ANO5: variants seen among roughly 807,000 people sequenced by gnomAD.
The protein encoded by ANO5 is anoctamin-5.
ANO5 carries 109 observed loss-of-function variants against 121.0 expected under a neutral mutation model. The observed-to-expected ratio is 0.90, with a 90% CI of 0.77 to 1.06. The LOEUF is 1.06. ANO5 is among the 50% of genes least tolerant of loss of function. ANO5 has a pLI of 0.00. For synonymous variants in ANO5, 406 were observed against 359.9 expected (o/e 1.13, Z -1.45); for missense variants, 1,064 against 1,078.5 (o/e 0.99, Z 0.19).
chr11:22,231,069 G>A (rs997667516), intron 7 of ANO5, among the ~76,000 whole-genome samples: 17 of 151,848 alleles, frequency 1.1e-4, no homozygotes, highest in African/African-American at 4.1e-4. Context: ...CACCTCTTAT[G>A]GCACAGATCA....
intron 2 of ANO5, among the ~76,000 whole-genome samples, chr11:22,205,375 G>A (rs1025919328): frequency 2.6e-5 from 4 of 151,940 alleles, no homozygotes; most frequent in Admixed American, 6.6e-5. Context: ...AAAGTTCAGC[G>A]ACCTAAATGC....
rs1476060941 is a variant in ANO5, at chr11:22,280,577, T to G, written c.*812T>G. 6.6e-6 allele frequency: 1 copy of G among 151,938 alleles called. No individual in the cohort carries two copies. Among genetic ancestry groups the G allele is most frequent in the East Asian group, 1.9e-4 (1 of 5,188 alleles). 9.4% of individuals were successfully genotyped at this position (151,938 alleles called of 1,614,324 possible). A position where few individuals can be genotyped will look rare whatever the true frequency, so the allele number is the denominator to read the frequency against. ...TTAGTAGTTAATGGATGCAGGACAA[T>G]GTATATTGATTAATTTGTTGATTTT... On this transcript the variant is annotated 3_prime_UTR_variant, in exon 22 of 22. Coordinates refer to ENST00000324559, the MANE Select transcript of ANO5 (RefSeq NM_213599.3).
intron 3 of ANO5, among the ~76,000 whole-genome samples, chr11:22,216,849 A>G (rs1217671463): frequency 1.3e-5 from 2 of 151,832 alleles, no homozygotes; most frequent in Non-Finnish European, 2.9e-5. Context: ...TGGAAGTCAT[A>G]ATGTGGCCCT....
At chr11:22,207,935 A>G (rs1004537564) in intron 2 of ANO5, among the ~76,000 whole-genome samples, 2 of 152,120 alleles carry the variant, frequency 1.3e-5, no homozygotes, top group Admixed American at 1.3e-4. Context: ...AAGATCTTCA[A>G]TATCACCAGC....
chr11:22,209,872 G>C (rs1217264398), intron 2 of ANO5, among the ~76,000 whole-genome samples: 1 of 145,528 alleles, frequency 6.9e-6, no homozygotes, highest in African/African-American at 2.5e-5. Context: ...GCTTCTGTAA[G>C]CAAAACAACT....
At chr11:22,233,943 G>C (rs1853130726) in intron 7 of ANO5, among the ~76,000 whole-genome samples, 1 of 152,050 alleles carries the variant, frequency 6.6e-6, no homozygotes, top group Non-Finnish European at 1.5e-5. Flanking sequence ...CCGCTTGGTA[G>C]CCATTGCTTT....
At chr11:22,255,248 A>G (rs753545879) in intron 12 of ANO5, 123 bp from the exon 13 acceptor site, 1 of 698,596 alleles carries the variant, frequency 1.4e-6, no homozygotes. Context: ...ATCAAACACA[A>G]CAGTGAAAGA....
intron 17 of ANO5, among the ~76,000 whole-genome samples, chr11:22,265,608 A>T (rs1005893636): frequency 7.9e-5 from 12 of 152,166 alleles, no homozygotes; most frequent in African/African-American, 2.9e-4. Context: ...TCCTGATTAA[A>T]GAAATTGTAA....
At chr11:22,195,454 G>T (rs946704523) in intron 1 of ANO5, among the ~76,000 whole-genome samples, 4 of 151,544 alleles carry the variant, frequency 2.6e-5, no homozygotes, top group African/African-American at 7.3e-5. Context: ...TTTGAGACAG[G>T]GTCTGGCTCT....
chr11:22,273,581 T>A (rs1854710713), intron 19 of ANO5, among the ~76,000 whole-genome samples: 1 of 152,110 alleles, frequency 6.6e-6, no homozygotes, highest in Admixed American at 6.6e-5. Context: ...TTGCCATACA[T>A]TTTTAATTAT....
At chr11:22,257,311 C>T (rs944551678) in intron 13 of ANO5, among the ~76,000 whole-genome samples, 2 of 152,074 alleles carry the variant, frequency 1.3e-5, no homozygotes, top group Non-Finnish European at 2.9e-5. Flanking sequence ...CAATGTAATT[C>T]AATTCAATTA....
rs1248812840 is a variant in ANO5, at chr11:22,276,109, A to C, written c.2430A>C (p.Arg810Ser). 6.2e-7 allele frequency: 1 copy of C among 1,608,368 alleles called. No homozygotes were observed. Among genetic ancestry groups the C allele is most frequent in the African/African-American group, 1.3e-5 (1 of 74,680 alleles). The change falls in exon 21 of 22, where the codon AGA becomes AGC. Residue 810 changes from arginine to serine, a missense_variant. Transcript: ENST00000324559. Reference sequence around the variant, plus strand: ...CACTTTTCAGGTACAGAGATTACAGATATCCTCCTGATGACGAGAATAAAT... The same window carrying C: ...CACTTTTCAGGTACAGAGATTACAGCTATCCTCCTGATGACGAGAATAAAT... ...DFITCRYRDY[R>S]YPPDDENKYF... is the part of the protein sequence containing the mutation.
chr11:22,274,530 G>A, intron 19 of ANO5, 39 bp from the exon 20 acceptor site: 1 of 1,528,194 alleles, frequency 6.5e-7, no homozygotes, highest in Non-Finnish European at 8.8e-7. Context: ...AACTAAATTG[G>A]CAGCTGATGA....
At chr11:22,242,712 A>AAAGCTACTCACTT (rs1471675079) in intron 9 of ANO5, among the ~76,000 whole-genome samples, 4 of 152,030 alleles carry the variant, frequency 2.6e-5, no homozygotes, top group Admixed American at 2.0e-4. Flanking sequence ...TGCCATATAG[A>AAAGCTACTCACTT]AAGCTACTCA....
rs370211337 is a variant in ANO5 at position 22,263,512 on chromosome 11, G to A, written c.1898+469G>A. ...ATCTAGGCATAAAAATAGATTGTAA[G>A]TGAAATGATGGAGACTTTCAGGTCA... is the stretch of plus-strand genomic sequence containing the variant. On this transcript the variant is annotated intron_variant, in intron 17 of 21. Coordinates refer to ENST00000324559, the MANE Select transcript of ANO5 (RefSeq NM_213599.3). Among the ~76,000 whole-genome samples, 76 of 152,228 alleles carry A rather than the reference G, an allele frequency of 5.0e-4. No homozygotes were observed. In the South Asian group the frequency reaches 0.016, roughly 31 times the overall value.
intron 9 of ANO5, 133 bp downstream of exon 9, chr11:22,239,817 T>A: frequency 1.4e-6 from 1 of 694,272 alleles, no homozygotes; most frequent in South Asian, 1.6e-5. Context: ...ATCTACACTA[T>A]AAATTAGCAA....
At chr11:22,265,602 G>A (rs1854331482) in intron 17 of ANO5, among the ~76,000 whole-genome samples, 1 of 152,070 alleles carries the variant, frequency 6.6e-6, no homozygotes, top group African/African-American at 2.4e-5. Flanking sequence ...ACAAAATCCT[G>A]ATTAAAGAAA....
intron 1 of ANO5, among the ~76,000 whole-genome samples, chr11:22,194,557 A>G (rs963036441): frequency 1.3e-5 from 2 of 152,184 alleles, no homozygotes; most frequent in Admixed American, 1.3e-4. Context: ...CTAATTTTAG[A>G]ACACTTTCAT....
At chr11:22,239,458 TAAAAG>T (rs1418735538) in intron 8 of ANO5, 106 bp from the exon 9 acceptor site, 7 of 762,730 alleles carry the variant, frequency 9.2e-6, no homozygotes, top group East Asian at 5.1e-5. Context: ...AATCTAAAAG[TAAAAG>T]AAAACATACC....
Sources: allele counts gnomAD v4.1 joint callset (sites outside exome capture counted in the v4.1 genomes callset), GRCh38; gene constraint gnomAD v4.1.1; transcripts MANE v1.5; gene names NCBI Gene and HGNC (gene_info 2026-07-23, HGNC 2026-07-21).